Variants in RHOT2 observed in about 807,000 individuals in gnomAD.
The protein encoded by RHOT2 is ras homolog family member T2.
In RHOT2, 90 loss-of-function variants were observed where a neutral mutation model predicts 81.6. The ratio of observed to expected loss-of-function variants is 1.10; its 90% CI spans 0.93 to 1.31. The LOEUF is 1.31. RHOT2 is among the 40% of genes most tolerant of loss of function. RHOT2 has a pLI of 0.00. For synonymous variants in RHOT2, 512 were observed against 370.9 expected (o/e 1.38, Z -4.37); for missense variants, 1,014 against 841.9 (o/e 1.20, Z -2.53).
upstream of RHOT2, chr16:668,091 C>T (rs2038203696): frequency 4.8e-6 from 2 of 415,892 alleles, no homozygotes; most frequent in Non-Finnish European, 8.4e-6. Flanking sequence ...GTGGGGACAG[C>T]GCGGGGCCGA....
At chr16:671,420 G>GGGGGGGGGCC in intron 11 of RHOT2, 2 of 520,634 alleles carry the variant, frequency 3.8e-6, no homozygotes, top group Non-Finnish European at 6.8e-6. Flanking sequence ...GGGTGGGGGG[G>GGGGGGGGGCC]CTGGCCCTTT....
At chr16:669,840 G>A in intron 5 of RHOT2, 1 of 618,614 alleles carries the variant, frequency 1.6e-6, no homozygotes, top group Non-Finnish European at 2.8e-6. Flanking sequence ...TTCTTCCCCA[G>A]TTTCCAAACC....
At chr16:670,594 A>C in intron 8 of RHOT2, 37 bp downstream of exon 8, 1 of 1,594,690 alleles carries the variant, frequency 6.3e-7, no homozygotes, top group African/African-American at 1.3e-5. Flanking sequence ...CTGGTTCCCC[A>C]GGGGCCCAGG....
rs576636757 is a variant in RHOT2 at position 670,258 on chromosome 16, C to T, written c.339C>T (p.Ile113=). The T allele has an allele frequency of 3.1e-6, 5 of 1,612,496 alleles. No homozygotes were observed. The highest frequency in any genetic ancestry group is 4.5e-5 in the East Asian group (2 of 44,886). Reference sequence around the variant, plus strand: ...TGGGCCTTCAACCCAGGGTGCCCATCATCCTAGTGGGCAACAAGTCAGACC... The same window carrying T: ...TGGGCCTTCAACCCAGGGTGCCCATTATCCTAGTGGGCAACAAGTCAGACC... ...GGTTQGPRVP[I]ILVGNKSDLR... The change falls in exon 7 of 19, where the codon ATC becomes ATT. Residue 113 remains isoleucine, a synonymous_variant. Coordinates refer to ENST00000315082, the MANE Select transcript of RHOT2 (RefSeq NM_138769.3).
rs921834076 is a variant in RHOT2 at position 672,002 on chromosome 16, C to T, written c.1097C>T (p.Thr366Ile). ...LPLHGYLCQW[T>I]LVTYLDVRSC... ...CTGCACGGATACCTCTGCCAGTGGA[C>T]GTAAGTGCGGCCCACACCATGCCCG... The change falls in exon 13 of 19, where the codon ACC becomes ATC. Residue 366 changes from threonine (T) to isoleucine (I), a missense_variant and splice_region_variant. Transcript: ENST00000315082. 8 of 1,611,690 alleles carry T rather than the reference C, an allele frequency of 5.0e-6. No homozygotes were observed. The highest frequency in any genetic ancestry group is 5.1e-6 in the Non-Finnish European group (6 of 1,179,486).
Position 671,163 on chromosome 16 carries a change from A to G in RHOT2, c.829A>G (p.Ser277Gly), listed in dbSNP as rs756574175. Residue 277 changes from serine (S) to glycine (G), a missense_variant, in exon 11 of 19, where the codon AGC becomes GGC. Physicochemically the swap from Ser to Gly is moderately conservative, Grantham distance 56. Coordinates refer to ENST00000315082, the MANE Select transcript of RHOT2 (RefSeq NM_138769.3). ...TWTILRRFGY[S>G]DALELTADYL... Reference sequence around the variant, plus strand: ...GACCATCCTGCGGCGCTTCGGCTACAGCGATGCCCTGGAGCTGACTGCGGA... The same window carrying G: ...GACCATCCTGCGGCGCTTCGGCTACGGCGATGCCCTGGAGCTGACTGCGGA... The G allele has an allele frequency of 3.8e-6, 6 of 1,591,248 alleles. No individual in the cohort carries two copies. In the South Asian group the frequency reaches 6.7e-5, roughly 18 times the overall value.
At chr16:673,285 G>T in intron 18 of RHOT2, 155 bp downstream of exon 18, 3 of 1,173,032 alleles carry the variant, frequency 2.6e-6, no homozygotes, top group Non-Finnish European at 2.4e-6. Flanking sequence ...GGCCAGAGTG[G>T]CGGGGTGGAG....
At position 673,530 on chromosome 16, in the gene RHOT2, T is replaced by A; in HGVS notation, c.1781T>A (p.Leu594Gln). The A allele has an allele frequency of 6.2e-7, 1 of 1,612,668 alleles. No individual in the cohort carries two copies. The highest frequency in any genetic ancestry group is 8.5e-7 in the Non-Finnish European group (1 of 1,179,928). The change falls in exon 19 of 19, where the codon CTG (leucine) becomes CAG (glutamine). Residue 594 changes from leucine to glutamine, a missense_variant. By Grantham distance (113) the Leu-to-Gln change is moderately radical. Coordinates refer to ENST00000315082, the MANE Select transcript of RHOT2 (RefSeq NM_138769.3). ...LHPSSFWLRGLLGVVGAAVAA... is the reference protein window; with the variant it reads ...LHPSSFWLRGQLGVVGAAVAA... ...CCCTCTTCCTTCTGGCTCCGGGGGC[T>A]GCTGGGGGTTGTCGGGGCCGCCGTG...
chr16:670,150 A>C lies in RHOT2; in HGVS notation c.304A>C (p.Asn102His), dbSNP rs1465836191. 1 of 1,589,606 alleles carries C rather than the reference A, an allele frequency of 6.3e-7. No homozygotes were observed. Among genetic ancestry groups the C allele is most frequent in the Non-Finnish European group, 8.6e-7 (1 of 1,169,370 alleles). Residue 102 changes from asparagine to histidine, a missense_variant, in exon 6 of 19, where the codon AAT (asparagine) becomes CAT (histidine). Physicochemically the swap from Asn to His is moderately conservative, Grantham distance 68. Coordinates refer to ENST00000315082, the MANE Select transcript of RHOT2 (RefSeq NM_138769.3). ...TCGAACTAAGTGGATCCCACTGGTG[A>C]ATGGGGGGACCACGCAGGGGCCCAG... The part of the protein sequence containing the change: ...KIRTKWIPLV[N>H]GGTTQGPRVP...
Position 668,415 on chromosome 16 carries a change from A to C in RHOT2, c.96+4A>C, listed in dbSNP as rs1243851120. The C allele has an allele frequency of 6.6e-7, 1 of 1,520,398 alleles. No individual in the cohort carries two copies. The highest frequency in any genetic ancestry group is 2.1e-5 in the Admixed American group (1 of 47,674). 94.2% of individuals were successfully genotyped at this position (1,520,398 alleles called of 1,614,324 possible). On this transcript the variant is annotated splice_donor_region_variant and intron_variant, in intron 2 of 18. Transcript: ENST00000315082. ...GGGCGAGGAGTTCCCCGAGGAGGTA[A>C]GGGGCACGCCCGCCGCGGGGGTGGG...
At chr16:668,595 C>G (rs1347046861) in intron 3 of RHOT2, 26 bp downstream of exon 3, 13 of 1,609,822 alleles carry the variant, frequency 8.1e-6, no homozygotes, top group Non-Finnish European at 1.0e-5. Context: ...TCCCGGGGGC[C>G]CGGCCCGCAG....
intron 18 of RHOT2, 141 bp downstream of exon 18, chr16:673,271 C>G: frequency 7.9e-7 from 1 of 1,261,234 alleles, no homozygotes; most frequent in Non-Finnish European, 1.1e-6. Context: ...AGGCCTGGAA[C>G]TGGGGCCAGA....
rs749079083 is a variant in RHOT2 at position 668,690 on chromosome 16, G to C, written c.213G>C (p.Glu71Asp). ...AGACGGACGAGGAGCTGCGGGAGGA[G>C]ATCCACAAGGTACCCGTGGTGCGCG... ...AEQTDEELRE[E>D]IHKANVVCVV... Residue 71 changes from glutamate to aspartate, a missense_variant, in exon 4 of 19, where the codon GAG (glutamate) becomes GAC (aspartate). Coordinates refer to ENST00000315082, the MANE Select transcript of RHOT2 (RefSeq NM_138769.3). The C allele has an allele frequency of 5.0e-6, 8 of 1,602,650 alleles. No individual in the cohort carries two copies. The East Asian group carries it at 1.6e-4, about 32-fold the overall frequency.
rs1289489667 is a variant in RHOT2, at chr16:670,461, G to T, written c.444G>T (p.Ser148=). The change falls in exon 8 of 19, where the codon TCG becomes TCT. Residue 148 remains serine, a synonymous_variant. Coordinates refer to ENST00000315082, the MANE Select transcript of RHOT2 (RefSeq NM_138769.3). The part of the protein sequence containing the change: ...FPEIETCVEC[S]AKNLRNISEL... Reference sequence around the variant, plus strand: ...GGCTGTTCCCACTTTCCCAGTGTTCGGCCAAGAACCTGAGGAACATCTCAG... The same window carrying T: ...GGCTGTTCCCACTTTCCCAGTGTTCTGCCAAGAACCTGAGGAACATCTCAG... The T allele has an allele frequency of 6.2e-7, 1 of 1,605,468 alleles. No individual in the cohort carries two copies. Among genetic ancestry groups the T allele is most frequent in the Non-Finnish European group, 8.5e-7 (1 of 1,175,976 alleles).
rs763740493 is a variant in RHOT2, at chr16:672,920, G to A, written c.1528-8G>A. On this transcript the variant is annotated splice_polypyrimidine_tract_variant and splice_region_variant and intron_variant, in intron 17 of 18. Transcript: ENST00000315082. The stretch of plus-strand genomic sequence containing the variant: ...AGGACTGTACCTCATACCACTCTCT[G>A]CCCACAGCACCATTACATGGACGGG... 1 of 1,612,746 alleles carries A rather than the reference G, an allele frequency of 6.2e-7. No homozygotes were observed. Among genetic ancestry groups the A allele is most frequent in the Non-Finnish European group, 8.5e-7 (1 of 1,179,970 alleles).
chr16:671,266 C>G, intron 11 of RHOT2, 63 bp downstream of exon 11: 2 of 1,505,262 alleles, frequency 1.3e-6, no homozygotes, highest in South Asian at 1.3e-5. Flanking sequence ...TGCCGACTAT[C>G]TCTCCCCTCC....
Position 671,867 on chromosome 16 carries a change from A to G in RHOT2, c.962A>G (p.Asp321Gly), listed in dbSNP as rs774617639. 4.3e-6 allele frequency: 6 copies of G among 1,402,302 alleles called. No individual in the cohort carries two copies. The highest frequency in any genetic ancestry group is 4.7e-6 in the Non-Finnish European group (5 of 1,054,360). The allele number at this position is 1,402,302 out of a possible 1,614,324, so 86.9% of individuals were successfully genotyped here. A position where few individuals can be genotyped will look rare whatever the true frequency, so the allele number is the denominator to read the frequency against. ...RVFEKHDQDR[D>G]GALSPVELQS... is the part of the protein sequence containing the mutation. Reference sequence around the variant, plus strand: ...ACATCCCTCCTTCTGCAGGACCGCGACGGCGCCCTCTCGCCCGTGGAGCTG... The same window carrying G: ...ACATCCCTCCTTCTGCAGGACCGCGGCGGCGCCCTCTCGCCCGTGGAGCTG... Residue 321 changes from aspartate (D) to glycine (G), a missense_variant, in exon 13 of 19, where the codon GAC becomes GGC. By Grantham distance (94) the Asp-to-Gly change is moderately conservative. Coordinates refer to ENST00000315082, the MANE Select transcript of RHOT2 (RefSeq NM_138769.3).
Position 669,585 on chromosome 16 carries a change from T to C in RHOT2, c.255T>C (p.Ser85=), listed in dbSNP as rs1250752808. The part of the protein sequence containing the change: ...ANVVCVVYDV[S]EEATIEKIRT... Reference sequence around the variant, plus strand: ...TGGTGTGTGTGGTGTATGACGTCTCTGAGGAGGCCACCATTGAGAAGGTGA... The same window carrying C: ...TGGTGTGTGTGGTGTATGACGTCTCCGAGGAGGCCACCATTGAGAAGGTGA... The change falls in exon 5 of 19, where the codon TCT becomes TCC. Residue 85 remains serine, a synonymous_variant. Transcript: ENST00000315082. The C allele has an allele frequency of 6.2e-7, 1 of 1,612,086 alleles. No homozygotes were observed. The highest frequency in any genetic ancestry group is 2.2e-5 in the East Asian group (1 of 44,880).
In RHOT2 at chr16:674,033, T is replaced by TG. The variant is rs1186977868; in HGVS notation, c.*433dup. ...AGAGCTTTGGGCCAAAAGCAGGCGT[T>TG]GGGGGGTCCCCCCTCAAGTTTGGAG... On this transcript the variant is annotated 3_prime_UTR_variant, in exon 19 of 19. Transcript: ENST00000315082. The TG allele has an allele frequency of 1.0e-5, 3 of 300,748 alleles. No homozygotes were observed. Among genetic ancestry groups the TG allele is most frequent in the Admixed American group, 4.5e-5 (1 of 22,254 alleles). 18.6% of individuals were successfully genotyped at this position (300,748 alleles called of 1,614,324 possible).
Sources: gnomAD v4.1 joint callset for allele counts on GRCh38, gnomAD v4.1.1 for gene constraint, MANE v1.5 for transcripts, NCBI Gene and HGNC (gene_info 2026-07-23, HGNC 2026-07-21) for gene names.